The following ANKRD30BL variants were observed in gnomAD, a reference collection of about 807,000 sequenced individuals.
The protein encoded by ANKRD30BL is putative ankyrin repeat domain-containing protein 30B-like.
ANKRD30BL carries 20 observed loss-of-function variants against 18.4 expected under a neutral mutation model. That is an observed-to-expected ratio of 1.09 (90% CI 0.77 to 1.58). The LOEUF is 1.58. ANKRD30BL is among the 40% of genes most tolerant of loss of function. The pLI, the probability that ANKRD30BL is intolerant of heterozygous loss-of-function variation, is 0.00. For missense variants in ANKRD30BL, 224 were observed against 268.6 expected, an observed-to-expected ratio of 0.83 and a Z score of 1.16; for synonymous variants, 72 against 100.9, an observed-to-expected ratio of 0.71 and a Z score of 1.72.
At chr2:132,202,439 T>G (rs184250337) in intron 1 of ANKRD30BL, among the ~76,000 whole-genome samples, 3,162 of 152,098 alleles carry the variant, frequency 0.021, 91 homozygotes, top group African/African-American at 0.072. Flanking sequence ...TATCCTCTTT[T>G]TTTTTACAAA....
At chr2:132,209,929 A>G (rs62276601) in intron 1 of ANKRD30BL, among the ~76,000 whole-genome samples, 3 of 144,282 alleles carry the variant, frequency 2.1e-5, no homozygotes, top group Non-Finnish European at 4.6e-5. Flanking sequence ...CAGAGTTGAA[A>G]CTTTGTTTTG....
chr2:132,238,386 G>A (rs530708387), intron 1 of ANKRD30BL, among the ~76,000 whole-genome samples: 2 of 151,782 alleles, frequency 1.3e-5, no homozygotes, highest in African/African-American at 2.4e-5. Context: ...TCTTTTGATC[G>A]TAGAATTTGC....
At chr2:132,211,466 A>C (rs1014551221) in intron 1 of ANKRD30BL, among the ~76,000 whole-genome samples, 5 of 152,146 alleles carry the variant, frequency 3.3e-5, no homozygotes, top group African/African-American at 1.2e-4. Context: ...CACAGAGTTG[A>C]ACCTTACCTT....
chr2:132,210,877 A>T (rs893100904), intron 1 of ANKRD30BL, among the ~76,000 whole-genome samples: 1 of 151,960 alleles, frequency 6.6e-6, no homozygotes, highest in Non-Finnish European at 1.5e-5. Flanking sequence ...GGAAAGGGAA[A>T]TATCTTCACC....
At chr2:132,207,830 G>C (rs1679238559) in intron 1 of ANKRD30BL, among the ~76,000 whole-genome samples, 1 of 152,130 alleles carries the variant, frequency 6.6e-6, no homozygotes, top group South Asian at 2.1e-4. Context: ...TGGAAACTGA[G>C]AAGGCAACGT....
chr2:132,232,215 C>G (rs62166173), intron 1 of ANKRD30BL, among the ~76,000 whole-genome samples: 1 of 152,148 alleles, frequency 6.6e-6, no homozygotes, highest in African/African-American at 2.4e-5. Flanking sequence ...CAACAGTAGA[C>G]AAAATCACAA....
intron 1 of ANKRD30BL, among the ~76,000 whole-genome samples, chr2:132,246,484 A>G (rs994810730): frequency 1.1e-4 from 16 of 151,986 alleles, no homozygotes; most frequent in Admixed American, 2.6e-4. Context: ...GAAACTAGAC[A>G]GAACAATTTT....
chr2:132,220,851 T>C (rs2104769747), intron 1 of ANKRD30BL, among the ~76,000 whole-genome samples: 1 of 150,174 alleles, frequency 6.7e-6, no homozygotes, highest in Non-Finnish European at 1.5e-5. Flanking sequence ...GGAGCTCCTC[T>C]GCCTGGCTGC....
intron 1 of ANKRD30BL, among the ~76,000 whole-genome samples, chr2:132,187,841 CT>C (rs1176460673): frequency 2.0e-5 from 3 of 151,558 alleles, no homozygotes; most frequent in African/African-American, 4.9e-5. Flanking sequence ...TCATTGCAAC[CT>C]CCGCCTCCTG....
chr2:132,168,251 T>C (rs1206173746), intron 1 of ANKRD30BL, among the ~76,000 whole-genome samples: 1 of 152,228 alleles, frequency 6.6e-6, no homozygotes, highest in Non-Finnish European at 1.5e-5. Context: ...GCCATTTTTA[T>C]ATTTCTTTTG....
chr2:132,173,267 C>T (rs1232159807), intron 1 of ANKRD30BL, among the ~76,000 whole-genome samples: 1 of 149,752 alleles, frequency 6.7e-6, no homozygotes, highest in Non-Finnish European at 1.5e-5. Context: ...CCAGTTTTCC[C>T]AGTACTATTT....
chr2:132,148,833 T>C (rs967692622), intron 5 of ANKRD30BL, among the ~76,000 whole-genome samples: 2 of 151,838 alleles, frequency 1.3e-5, no homozygotes, highest in African/African-American at 4.8e-5. Context: ...AAGATGATAA[T>C]AACAAGAAAA....
At position 132,198,316 on chromosome 2, in the gene ANKRD30BL, CTTTCTTTCTTTTT is replaced by C. The variant is rs1558928578; in HGVS notation, n.442-41183_442-41171del. ...TCTTTCTTTCTTTCTTTCTTTCTTTCTTTCTTTCTTTTTTTTTTTTTTTTTTAGACAGAGTCTC... is the reference window on the plus strand; with the variant it reads ...TCTTTCTTTCTTTCTTTCTTTCTTTCTTTTTTTTTTTTTAGACAGAGTCTC... On this transcript the variant is annotated intron_variant and non_coding_transcript_variant, in intron 1 of 4. Coordinates refer to the ANKRD30BL transcript ENST00000470729. 1.0e-2 allele frequency among the ~76,000 whole-genome samples: 115 copies of C among 11,548 alleles called. 5 individuals are homozygous for C. Among genetic ancestry groups the C allele is most frequent in the African/African-American group, 0.023 (107 of 4,616 alleles). The allele number at this position is 11,548 out of a possible 152,430, so 7.6% of individuals were successfully genotyped here. A position where few individuals can be genotyped will look rare whatever the true frequency, so the allele number is the denominator to read the frequency against.
rs1430740696 is a variant in ANKRD30BL, at chr2:132,249,207, CTCAA to C, written n.441+8318_441+8321del. Among the ~76,000 whole-genome samples the C allele has an allele frequency of 5.3e-5, 8 of 151,886 alleles. No individual in the cohort carries two copies. The East Asian group carries it at 9.7e-4, about 18-fold the overall frequency. The stretch of plus-strand genomic sequence containing the variant: ...CTACAAAAAGACTGTTTCCAAATTG[CTCAA>C]TCAAAGGAATGGCTCAACTCTGTGA... On this transcript the variant is annotated intron_variant and non_coding_transcript_variant, in intron 1 of 4. Transcript: ENST00000470729.
At chr2:132,235,361 T>C (rs2097720212) in intron 1 of ANKRD30BL, among the ~76,000 whole-genome samples, 1 of 152,032 alleles carries the variant, frequency 6.6e-6, no homozygotes, top group South Asian at 2.1e-4. Flanking sequence ...GAGAAGGAAA[T>C]AAAGAGTATT....
intron 1 of ANKRD30BL, among the ~76,000 whole-genome samples, chr2:132,159,195 T>C (rs369721132): frequency 6.6e-6 from 1 of 152,120 alleles, no homozygotes; most frequent in Non-Finnish European, 1.5e-5. Context: ...CCAGAATACA[T>C]TTTCAAATGT....
At chr2:132,228,534 C>G (rs560036400) in intron 1 of ANKRD30BL, among the ~76,000 whole-genome samples, 96 of 151,594 alleles carry the variant, frequency 6.3e-4, no homozygotes, top group Non-Finnish European at 1.1e-3. Context: ...TTGAAACTCT[C>G]TTATCGTAAA....
chr2:132,209,776 A>T (rs1239125083), intron 1 of ANKRD30BL, among the ~76,000 whole-genome samples: 1 of 152,152 alleles, frequency 6.6e-6, no homozygotes, highest in African/African-American at 2.4e-5. Context: ...TTGATTGAGC[A>T]GTTTTGAAAC....
At chr2:132,187,239 G>A (rs1048087997) in intron 1 of ANKRD30BL, among the ~76,000 whole-genome samples, 27 of 143,690 alleles carry the variant, frequency 1.9e-4, no homozygotes, top group African/African-American at 6.4e-4. Flanking sequence ...TGTAGAGCAG[G>A]CTGGAGTGGA....
Sources: gnomAD v4.1 joint callset for allele counts (sites outside exome capture counted in the v4.1 genomes callset) on GRCh38, gnomAD v4.1.1 for gene constraint, MANE v1.5 for transcripts, NCBI Gene and HGNC (gene_info 2026-07-23, HGNC 2026-07-21) for gene names.